SRP68: variants seen among roughly 807,000 people sequenced by gnomAD.
SRP68 encodes signal recognition particle subunit SRP68.
SRP68 carries 15 observed loss-of-function variants against 82.2 expected under a neutral mutation model. The ratio of observed to expected loss-of-function variants is 0.18; its 90% CI spans 0.12 to 0.28. The LOEUF (loss-of-function observed/expected upper bound fraction) is 0.28, where lower values mean the gene tolerates loss of function less well. SRP68 is among the 10% of genes least tolerant of loss of function. SRP68 has a pLI of 1.00. For missense variants in SRP68, 595 were observed against 780.5 expected (o/e 0.76, Z 2.83); for synonymous variants, 261 against 292.6 (o/e 0.89, Z 1.10).
intron 9 of SRP68, chr17:76,048,632 A>T (rs1212316662): frequency 6.6e-6 from 1 of 152,260 alleles, no homozygotes; most frequent in South Asian, 2.1e-4. Context: ...GCTAGAAGCC[A>T]GGAGATGCAT....
intron 8 of SRP68, chr17:76,053,745 C>T (rs1280558049): frequency 1.4e-6 from 1 of 724,628 alleles, no homozygotes; most frequent in Non-Finnish European, 1.7e-6. Flanking sequence ...GAAGGAGAAG[C>T]TCTCATGATT....
intron 9 of SRP68, among the ~76,000 whole-genome samples, chr17:76,050,105 T>C (rs1489783355): frequency 6.6e-6 from 1 of 152,156 alleles, no homozygotes; most frequent in Non-Finnish European, 1.5e-5. Context: ...TCAGCCTAGA[T>C]GCCTGAATCA....
At chr17:76,064,998 A>G (rs572490858) in intron 3 of SRP68, among the ~76,000 whole-genome samples, 2 of 152,300 alleles carry the variant, frequency 1.3e-5, no homozygotes, top group Admixed American at 6.5e-5. Context: ...AGTAATACAA[A>G]TAACACATTT....
chr17:76,048,047 G>A (rs1218639608), intron 9 of SRP68, 77 bp from the exon 10 acceptor site: 10 of 908,004 alleles, frequency 1.1e-5, no homozygotes, highest in East Asian at 2.8e-5. Context: ...GAATGGTGGG[G>A]TCTCCAAAGT....
chr17:76,041,977 G>A lies in SRP68; in HGVS notation c.1525-999C>T, dbSNP rs1227020927. On this transcript the variant is annotated intron_variant, in intron 13 of 15. Coordinates refer to ENST00000307877, the MANE Select transcript of SRP68 (RefSeq NM_014230.4). ...TGGCTCACTGCAAGCTCCGCCTCCC[G>A]CGTTCACGCCATTCTCCTGCCTCAG... Among the ~76,000 whole-genome samples, 14 of 151,828 alleles carry A rather than the reference G, an allele frequency of 9.2e-5. No individual in the cohort carries two copies. The South Asian group carries it at 1.2e-3, about 14-fold the overall frequency.
chr17:76,059,372 G>A (rs1293730484), intron 7 of SRP68, among the ~76,000 whole-genome samples: 3 of 151,876 alleles, frequency 2.0e-5, no homozygotes, highest in Non-Finnish European at 2.9e-5. Context: ...GTGAAACCCC[G>A]TCTCTACTAA....
chr17:76,065,393 T>A (rs964036255), intron 3 of SRP68, among the ~76,000 whole-genome samples: 5 of 133,890 alleles, frequency 3.7e-5, no homozygotes, highest in Non-Finnish European at 6.1e-5. Flanking sequence ...TAAGCTATGA[T>A]CCCACTGCTA....
At chr17:76,045,662 A>G (rs1318265463) in intron 11 of SRP68, among the ~76,000 whole-genome samples, 1 of 152,152 alleles carries the variant, frequency 6.6e-6, no homozygotes, top group Non-Finnish European at 1.5e-5. Flanking sequence ...GATCTGTTCC[A>G]GCGCTGAGCT....
In SRP68 at chr17:76,039,859, G is replaced by C; in HGVS notation, c.1731C>G (p.Phe577Leu). 1 of 1,614,264 alleles carries C rather than the reference G, an allele frequency of 6.2e-7. No homozygotes were observed. The highest frequency in any genetic ancestry group is 8.5e-7 in the Non-Finnish European group (1 of 1,180,058). Residue 577 changes from phenylalanine to leucine, a missense_variant, in exon 16 of 16, where the codon TTC (phenylalanine) becomes TTG (leucine). Physicochemically the swap from Phe to Leu is conservative, Grantham distance 22. Transcript: ENST00000307877. ...AGGGAATGGGCTGGAAGCCTGGTGGGAAGTGCACAAGGTTGGCTTGCTTGG... is the reference window on the plus strand; with the variant it reads ...AGGGAATGGGCTGGAAGCCTGGTGGCAAGTGCACAAGGTTGGCTTGCTTGG... ...LVTKQANLVH[F>L]PPGFQPIPCK... is the part of the protein sequence containing the mutation.
intron 8 of SRP68, chr17:76,053,806 T>C (rs982413192): frequency 9.0e-6 from 2 of 221,570 alleles, no homozygotes; most frequent in Admixed American, 1.3e-4. Context: ...CAATATATTT[T>C]GCTATTTACA....
At chr17:76,057,876 C>T (rs767476853) in intron 7 of SRP68, among the ~76,000 whole-genome samples, 2 of 152,126 alleles carry the variant, frequency 1.3e-5, no homozygotes, top group African/African-American at 2.4e-5. Context: ...GGTTTCACCA[C>T]GTTGGCCAGA....
chr17:76,070,854 A>G (rs949312212), intron 1 of SRP68, among the ~76,000 whole-genome samples: 1 of 138,068 alleles, frequency 7.2e-6, no homozygotes, highest in Non-Finnish European at 1.5e-5. Flanking sequence ...GCACATGCAC[A>G]CACACACACA....
chr17:76,072,471 G>T lies in SRP68; in HGVS notation c.21C>A (p.Val7=), dbSNP rs748737249. 5.7e-5 allele frequency: 90 copies of T among 1,581,940 alleles called. No individual in the cohort carries two copies. The highest frequency in any genetic ancestry group is 7.0e-5 in the Non-Finnish European group (82 of 1,171,052). MAAEKQ[V]PGGGGGGGSG... is the part of the protein sequence containing the mutation. The stretch of plus-strand genomic sequence containing the variant: ...TGCCGCCGCCGCCGCCGCCGCCTGG[G>T]ACCTGCTTCTCAGCAGCCATCTTGC... The change falls in exon 1 of 16, where the codon GTC becomes GTA. Residue 7 remains valine, a synonymous_variant. Coordinates refer to ENST00000307877, the MANE Select transcript of SRP68 (RefSeq NM_014230.4). The surrounding 1 kb of genome is among the most constrained non-coding windows in gnomAD (Gnocchi z 4.5).
At chr17:76,068,917 A>G (rs2066827297) in intron 2 of SRP68, among the ~76,000 whole-genome samples, 1 of 151,862 alleles carries the variant, frequency 6.6e-6, no homozygotes, top group African/African-American at 2.4e-5. Flanking sequence ...TTCATTTTTA[A>G]ATTTTCCACA....
At chr17:76,045,896 G>T in intron 11 of SRP68, 142 bp downstream of exon 11, 2 of 970,716 alleles carry the variant, frequency 2.1e-6, no homozygotes, top group Non-Finnish European at 1.6e-6. Context: ...CTGCAGAACT[G>T]GTGTAAGATC....
Position 76,039,893 on chromosome 17 carries a change from G to T in SRP68, c.1697C>A (p.Ser566Tyr). 3 of 1,614,240 alleles carry T rather than the reference G, an allele frequency of 1.9e-6. No individual in the cohort carries two copies. Among genetic ancestry groups the T allele is most frequent in the Non-Finnish European group, 2.5e-6 (3 of 1,180,034 alleles). Residue 566 changes from serine (S) to tyrosine (Y), a missense_variant, in exon 16 of 16, where the codon TCC becomes TAC. Ser to Tyr is a moderately radical substitution (Grantham distance 144, BLOSUM62 -2). Around this residue, in one of 2 missense-constraint regions of SRP68, gnomAD observed 495 missense variants for 688.6 expected, o/e 0.72. Coordinates refer to ENST00000307877, the MANE Select transcript of SRP68 (RefSeq NM_014230.4). Reference sequence around the variant, plus strand: ...AAGGTTGGCTTGCTTGGTGACAAGGGAAGGGTCCAGGCAGAATGTCTCAAA... The same window carrying T: ...AAGGTTGGCTTGCTTGGTGACAAGGTAAGGGTCCAGGCAGAATGTCTCAAA... ...ERFETFCLDP[S>Y]LVTKQANLVH...
chr17:76,049,539 A>G (rs2066656557), intron 9 of SRP68: 2 of 152,364 alleles, frequency 1.3e-5, no homozygotes, highest in South Asian at 4.1e-4. Flanking sequence ...AGTGAAGTAC[A>G]AGGCTGGGAA....
intron 3 of SRP68, among the ~76,000 whole-genome samples, chr17:76,065,884 A>T (rs2066802438): frequency 6.6e-6 from 1 of 151,564 alleles, no homozygotes; most frequent in Non-Finnish European, 1.5e-5. Context: ...AATGAGGTTC[A>T]AGGACCATGC....
chr17:76,050,360 T>G, intron 9 of SRP68, 68 bp downstream of exon 9: 1 of 1,170,354 alleles, frequency 8.5e-7, no homozygotes, highest in Non-Finnish European at 1.3e-6. Flanking sequence ...GGGGTCCACC[T>G]GAGAAGGGGA....
Sources: gnomAD v4.1 joint callset for allele counts (sites outside exome capture counted in the v4.1 genomes callset) on GRCh38, gnomAD v4.1.1 for gene constraint, gnomAD v4.1.1 regional missense constraint, Gnocchi (gnomAD v3.1) non-coding constraint, MANE v1.5 for transcripts, NCBI Gene and HGNC (gene_info 2026-07-23, HGNC 2026-07-21) for gene names.